The following BORCS5 variants were observed in gnomAD, a reference collection of about 807,000 sequenced individuals.
BORCS5 encodes BLOC-1 related complex subunit 5.
Under a neutral mutation model 22.1 loss-of-function variants are expected in BORCS5, and 17 were observed. The ratio of observed to expected loss-of-function variants is 0.77; its 90% CI spans 0.53 to 1.15. The LOEUF (loss-of-function observed/expected upper bound fraction) is 1.15. Ranked by LOEUF, BORCS5 falls within the 50% of genes most tolerant of loss-of-function variation. BORCS5 has a pLI of 0.00. For missense variants in BORCS5, 247 were observed against 253.2 expected, an observed-to-expected ratio of 0.98 and a Z score of 0.17; for synonymous variants, 117 against 99.8, an observed-to-expected ratio of 1.17 and a Z score of -1.03.
At position 12,379,696 on chromosome 12, in the gene BORCS5, G is replaced by C. The variant is rs1863735195; in HGVS notation, c.202+18347G>C. Among the ~76,000 whole-genome samples, 4 of 151,186 alleles carry C rather than the reference G, an allele frequency of 2.6e-5. No individual in the cohort carries two copies. The South Asian group carries it at 8.4e-4, about 32-fold the overall frequency. ...AACCTCTGAGGTGCTTCCTTGATTA[G>C]GCTTTGTCTCAGTGGAATGTTGGAG... On this transcript the variant is annotated intron_variant, in intron 2 of 3. Coordinates refer to ENST00000314565, the MANE Select transcript of BORCS5 (RefSeq NM_058169.6).
chr12:12,382,570 G>A (rs1016107846), intron 2 of BORCS5, among the ~76,000 whole-genome samples: 2 of 143,698 alleles, frequency 1.4e-5, no homozygotes, highest in Non-Finnish European at 3.0e-5. Context: ...AGTCTTGCTC[G>A]ACAGGCTGCT....
intron 2 of BORCS5, among the ~76,000 whole-genome samples, chr12:12,391,887 C>G (rs1555147715): frequency 1.9e-5 from 1 of 51,632 alleles, no homozygotes; most frequent in Non-Finnish European, 4.2e-5. Flanking sequence ...AAAAAAAAAA[C>G]GCTAAAAATT....
intron 2 of BORCS5, among the ~76,000 whole-genome samples, chr12:12,382,380 C>T (rs1287817069): frequency 6.6e-6 from 1 of 151,016 alleles, no homozygotes; most frequent in Non-Finnish European, 1.5e-5. Context: ...GGCACCAAGC[C>T]ATTCTTGAGG....
At chr12:12,431,837 G>T (rs1288079586) in intron 2 of BORCS5, among the ~76,000 whole-genome samples, 1 of 151,914 alleles carries the variant, frequency 6.6e-6, no homozygotes, top group Admixed American at 6.6e-5. Flanking sequence ...GGGACTACAG[G>T]TGCATGCCAC....
At chr12:12,422,932 A>G (rs1043126752) in intron 2 of BORCS5, among the ~76,000 whole-genome samples, 6 of 151,742 alleles carry the variant, frequency 4.0e-5, no homozygotes, top group South Asian at 2.1e-4. Flanking sequence ...AACCATGGTT[A>G]CAAAAGAGTT....
chr12:12,391,252 C>T (rs1941176115), intron 2 of BORCS5, among the ~76,000 whole-genome samples: 1 of 151,924 alleles, frequency 6.6e-6, no homozygotes, highest in Non-Finnish European at 1.5e-5. Flanking sequence ...GCAAAGGACC[C>T]TATACATGCT....
At chr12:12,416,052 T>A (rs553725349) in intron 2 of BORCS5, among the ~76,000 whole-genome samples, 29 of 152,336 alleles carry the variant, frequency 1.9e-4, no homozygotes, top group African/African-American at 6.7e-4. Context: ...CCTTGGTAGG[T>A]TCTAGTTCTG....
chr12:12,405,369 T>C (rs796570421), intron 2 of BORCS5, among the ~76,000 whole-genome samples: 4 of 152,318 alleles, frequency 2.6e-5, no homozygotes, highest in African/African-American at 9.6e-5. Context: ...CTCTAGAGCT[T>C]TCATGGTTTG....
At chr12:12,364,752 A>C (rs569751990) in intron 2 of BORCS5, among the ~76,000 whole-genome samples, 15 of 152,350 alleles carry the variant, frequency 9.8e-5, no homozygotes, top group Admixed American at 2.6e-4. Context: ...GGATCACCTG[A>C]GCACAGGAGT....
At chr12:12,408,986 T>C (rs1285740296) in intron 2 of BORCS5, among the ~76,000 whole-genome samples, 6 of 152,142 alleles carry the variant, frequency 3.9e-5, no homozygotes, top group Non-Finnish European at 7.4e-5. Context: ...ATAGTAATTT[T>C]ACATTTAATT....
At chr12:12,410,740 G>A (rs1212199509) in intron 2 of BORCS5, among the ~76,000 whole-genome samples, 1 of 152,188 alleles carries the variant, frequency 6.6e-6, no homozygotes, top group African/African-American at 2.4e-5. Flanking sequence ...GAACTTTCAA[G>A]TAGTTTTTTC....
At chr12:12,433,321 T>C (rs1592123722) in intron 2 of BORCS5, among the ~76,000 whole-genome samples, 1 of 33,120 alleles carries the variant, frequency 3.0e-5, no homozygotes, top group Admixed American at 4.7e-4. Context: ...AGACTGTGTC[T>C]CAAAAAAAAA....
At chr12:12,425,152 G>A (rs1363451978) in intron 2 of BORCS5, among the ~76,000 whole-genome samples, 3 of 152,332 alleles carry the variant, frequency 2.0e-5, no homozygotes, top group East Asian at 1.9e-4. Context: ...CCAGGAATAA[G>A]TGCGTAGCTG....
intron 2 of BORCS5, among the ~76,000 whole-genome samples, chr12:12,388,282 C>G (rs1352199043): frequency 6.6e-6 from 1 of 151,156 alleles, no homozygotes; most frequent in Non-Finnish European, 1.5e-5. Context: ...GACCACACTT[C>G]CCAAACATAT....
chr12:12,391,852 T>G, intron 2 of BORCS5, among the ~76,000 whole-genome samples: 2 of 112,320 alleles, frequency 1.8e-5, no homozygotes, highest in Non-Finnish European at 1.8e-5. Flanking sequence ...GCCGACATGG[T>G]GAAACCCCGT....
chr12:12,357,739 C>T (rs1390163202), intron 1 of BORCS5, among the ~76,000 whole-genome samples: 1 of 152,146 alleles, frequency 6.6e-6, no homozygotes, highest in Admixed American at 6.5e-5. Flanking sequence ...TATTTATTTT[C>T]AAAACAGCCG....
intron 2 of BORCS5, among the ~76,000 whole-genome samples, chr12:12,431,403 C>CTTTTTTTTTTT (rs386375632): frequency 6.6e-5 from 8 of 121,100 alleles, no homozygotes; most frequent in Non-Finnish European, 1.3e-4. Context: ...TTTGCTAATT[C>CTTTTTTTTTTT]TTTTTTTTTT....
chr12:12,404,449 A>G (rs1204466360), intron 2 of BORCS5, among the ~76,000 whole-genome samples: 4 of 152,212 alleles, frequency 2.6e-5, no homozygotes, highest in African/African-American at 9.6e-5. Context: ...GGCAAAAAAC[A>G]GGAGTAACTC....
chr12:12,453,913 A>G (rs977586001), intron 3 of BORCS5, among the ~76,000 whole-genome samples: 14 of 152,126 alleles, frequency 9.2e-5, no homozygotes, highest in Non-Finnish European at 1.8e-4. Context: ...GGGGTATTTC[A>G]TATAAAGGGA....
Sources: gnomAD v4.1 joint callset for allele counts (sites outside exome capture counted in the v4.1 genomes callset) on GRCh38, gnomAD v4.1.1 for gene constraint, MANE v1.5 for transcripts, NCBI Gene and HGNC (gene_info 2026-07-23, HGNC 2026-07-21) for gene names.